AP5Z1: variants seen among roughly 807,000 people sequenced by gnomAD.
The protein encoded by AP5Z1 is AP-5 complex subunit zeta-1.
In AP5Z1, 106 loss-of-function variants were observed where a neutral mutation model predicts 83.0. That is an observed-to-expected ratio of 1.28 (90% CI 1.09 to 1.50). The LOEUF (loss-of-function observed/expected upper bound fraction) is 1.50, where lower values mean the gene tolerates loss of function less well. AP5Z1 is among the 40% of genes most tolerant of loss of function. AP5Z1 has a pLI of 0.00. For missense variants in AP5Z1, 1,565 were observed against 1,094.2 expected, an observed-to-expected ratio of 1.43 and a Z score of -6.07; for synonymous variants, 751 against 514.1, an observed-to-expected ratio of 1.46 and a Z score of -6.23.
At position 4,791,567 on chromosome 7, in the gene AP5Z1, T is replaced by C. The variant is rs530317142; in HGVS notation, c.*182T>C. The C allele has an allele frequency of 1.7e-5, 15 of 903,430 alleles. No individual in the cohort carries two copies. In the African/African-American group the frequency reaches 1.8e-4, roughly 11 times the overall value. 56.0% of individuals were successfully genotyped at this position (903,430 alleles called of 1,614,324 possible). A position where few individuals can be genotyped will look rare whatever the true frequency, so the allele number is the denominator to read the frequency against. On this transcript the variant is annotated 3_prime_UTR_variant, in exon 17 of 17. Transcript: ENST00000649063. ...GCCCCCCTGCTCACCCTCTGGGCTT[T>C]GTCTCCGAGCCTTTTGCTCCCAGGC... is the stretch of plus-strand genomic sequence containing the variant.
rs140323623 is a variant in AP5Z1, at chr7:4,790,307, C to G, written c.1806-152C>G. 2.4e-4 allele frequency: 374 copies of G among 1,547,406 alleles called. 2 individuals carry two copies. In the African/African-American group the frequency reaches 4.1e-3, roughly 17 times the overall value. ...CTTCTCCCCAGTGAGAACAGTTTCTCTGAGGCTGGCAGTCTTCTGTGTTCC... is the reference window on the plus strand; with the variant it reads ...CTTCTCCCCAGTGAGAACAGTTTCTGTGAGGCTGGCAGTCTTCTGTGTTCC... On this transcript the variant is annotated intron_variant, in intron 14 of 16. Transcript: ENST00000649063.
intron 4 of AP5Z1, 29 bp downstream of exon 4, chr7:4,783,489 T>C: frequency 6.4e-7 from 1 of 1,563,136 alleles, no homozygotes; most frequent in Non-Finnish European, 8.7e-7. Flanking sequence ...AAGAGGCTGT[T>C]GGGGGTCTGC....
chr7:4,782,876 C>T (rs1037390495), intron 3 of AP5Z1, among the ~76,000 whole-genome samples: 3 of 152,206 alleles, frequency 2.0e-5, no homozygotes, highest in African/African-American at 4.8e-5. Context: ...GCCACCCAGC[C>T]GCCCTCCTCC....
intron 1 of AP5Z1, 107 bp downstream of exon 1, chr7:4,775,863 C>A: frequency 6.9e-7 from 1 of 1,445,554 alleles, no homozygotes; most frequent in South Asian, 1.2e-5. Context: ...TGCAGGAACC[C>A]GACTGGACTC....
chr7:4,785,807 GTGT>G, intron 9 of AP5Z1, 123 bp downstream of exon 9: 1 of 1,288,692 alleles, frequency 7.8e-7, no homozygotes, highest in Non-Finnish European at 1.0e-6. Flanking sequence ...GGGTCTTGCT[GTGT>G]TGCCCAGGCT....
At position 4,785,648 on chromosome 7, in the gene AP5Z1, G is replaced by A; in HGVS notation, c.1096G>A (p.Val366Met). 3 of 1,559,122 alleles carry A rather than the reference G, an allele frequency of 1.9e-6. No homozygotes were observed. The highest frequency in any genetic ancestry group is 2.6e-6 in the Non-Finnish European group (3 of 1,155,014). Residue 366 changes from valine to methionine, a missense_variant, in exon 9 of 17, where the codon GTG becomes ATG. Physicochemically the swap from Val to Met is conservative, Grantham distance 21. Transcript: ENST00000649063. ...RVRGDPASVR[V>M]LLPLAHFFLS... ...GCGCGGGGACCCGGCCTCTGTGCGG[G>A]TGCTGCTGCCCCTCGCCCACTTCTT...
At chr7:4,789,738 C>T in intron 13 of AP5Z1, 94 bp from the exon 14 acceptor site, 1 of 915,052 alleles carries the variant, frequency 1.1e-6, no homozygotes, top group East Asian at 2.7e-5. Context: ...TCCAGCCCCT[C>T]ACCTGCCCCC....
intron 14 of AP5Z1, 50 bp from the exon 15 acceptor site, chr7:4,790,409 T>TG (rs777881058): frequency 3.0e-5 from 49 of 1,611,792 alleles, no homozygotes; most frequent in Non-Finnish European, 4.1e-5. Context: ...TGGATGGGGA[T>TG]GGGGTCATAG....
chr7:4,785,637 C>T lies in AP5Z1; in HGVS notation c.1085C>T (p.Ala362Val), dbSNP rs761041382. The change falls in exon 9 of 17, where the codon GCC (alanine) becomes GTC (valine). Residue 362 changes from alanine to valine, a missense_variant. Physicochemically the swap from Ala to Val is moderately conservative, Grantham distance 64 (BLOSUM62 0). Coordinates refer to ENST00000649063, the MANE Select transcript of AP5Z1 (RefSeq NM_014855.3). ...CACGGGCGGGTGCGCGGGGACCCGG[C>T]CTCTGTGCGGGTGCTGCTGCCCCTC... is the stretch of plus-strand genomic sequence containing the variant. Reference protein sequence around the residue: ...ALHGRVRGDPASVRVLLPLAH... With the variant: ...ALHGRVRGDPVSVRVLLPLAH... 6 of 1,567,274 alleles carry T rather than the reference C, an allele frequency of 3.8e-6. No homozygotes were observed. In the Admixed American group the frequency reaches 9.2e-5, roughly 24 times the overall value.
chr7:4,786,081 C>G (rs913560836), intron 9 of AP5Z1, among the ~76,000 whole-genome samples, 169 bp from the exon 10 acceptor site: 2 of 152,216 alleles, frequency 1.3e-5, no homozygotes, highest in African/African-American at 4.8e-5. Context: ...CTGTCCGTGT[C>G]CCTGGGCGAG....
rs886062366 is a variant in AP5Z1, at chr7:4,793,959, C to G, written c.*2574C>G. The G allele has an allele frequency of 2.0e-5, 3 of 152,488 alleles. No homozygotes were observed. Among genetic ancestry groups the G allele is most frequent in the African/African-American group, 7.2e-5 (3 of 41,466 alleles). 9.4% of individuals were successfully genotyped at this position (152,488 alleles called of 1,614,324 possible). A position where few individuals can be genotyped will look rare whatever the true frequency, so the allele number is the denominator to read the frequency against. The stretch of plus-strand genomic sequence containing the variant: ...GTGAAAGCCAGCTGGGCTCCTGAGT[C>G]TGGTGGGGACTTGGAGAACCTTTAT... On this transcript the variant is annotated 3_prime_UTR_variant, in exon 17 of 17. Transcript: ENST00000649063.
chr7:4,777,776 C>T (rs1313666165), intron 1 of AP5Z1, among the ~76,000 whole-genome samples: 1 of 152,188 alleles, frequency 6.6e-6, no homozygotes, highest in Non-Finnish European at 1.5e-5. Flanking sequence ...TTGAATTTCC[C>T]TATGTAACAT....
At chr7:4,779,214 TG>T (rs1314835231) in intron 1 of AP5Z1, among the ~76,000 whole-genome samples, 3 of 145,480 alleles carry the variant, frequency 2.1e-5, no homozygotes, top group African/African-American at 7.5e-5. Context: ...GCATATATTA[TG>T]TATAACATAT....
At chr7:4,779,470 T>TTA (rs1183585760) in intron 1 of AP5Z1, among the ~76,000 whole-genome samples, 28 of 145,480 alleles carry the variant, frequency 1.9e-4, no homozygotes, top group East Asian at 1.6e-3. Context: ...ATATATTATA[T>TTA]TATATATATA....
chr7:4,789,985 C>CCCCCTCT, intron 14 of AP5Z1, 56 bp downstream of exon 14: 23 of 789,880 alleles, frequency 2.9e-5, no homozygotes, highest in East Asian at 6.8e-5. Context: ...CTGGACTCCT[C>CCCCCTCT]CCCCTCTCCC....
intron 1 of AP5Z1, among the ~76,000 whole-genome samples, chr7:4,780,017 C>G (rs1337835408): frequency 6.6e-6 from 1 of 152,020 alleles, no homozygotes; most frequent in Admixed American, 6.5e-5. Context: ...CTGCACTCAA[C>G]TCATCCTCCC....
Position 4,775,698 on chromosome 7 carries a change from T to A in AP5Z1, c.-18T>A, listed in dbSNP as rs1781205659. 2 of 1,606,824 alleles carry A rather than the reference T, an allele frequency of 1.2e-6. No homozygotes were observed. Among genetic ancestry groups the A allele is most frequent in the South Asian group, 2.2e-5 (2 of 91,030 alleles). On this transcript the variant is annotated 5_prime_UTR_variant, in exon 1 of 17. Coordinates refer to ENST00000649063, the MANE Select transcript of AP5Z1 (RefSeq NM_014855.3). ...CTGGAGTTTCCGAGGTTCGTGCGCG[T>A]CTGGTGGCGGCGGCGTGATGTTCTC...
At chr7:4,788,439 A>G in intron 12 of AP5Z1, 145 bp downstream of exon 12, 1 of 1,073,212 alleles carries the variant, frequency 9.3e-7, no homozygotes, top group African/African-American at 1.6e-5. Context: ...TCACCATTAT[A>G]GAGGCCCTGC....
At chr7:4,777,301 A>G (rs1350843004) in intron 1 of AP5Z1, among the ~76,000 whole-genome samples, 1 of 152,148 alleles carries the variant, frequency 6.6e-6, no homozygotes, top group African/African-American at 2.4e-5. Flanking sequence ...TCCCAGTCAC[A>G]TTCTGCTCAA....
Sources: gnomAD v4.1 joint callset for allele counts (sites outside exome capture counted in the v4.1 genomes callset) on GRCh38, gnomAD v4.1.1 for gene constraint, MANE v1.5 for transcripts, NCBI Gene and HGNC (gene_info 2026-07-23, HGNC 2026-07-21) for gene names.